The following TEX9 variants were observed in gnomAD, a reference collection of about 807,000 sequenced individuals.
TEX9 encodes testis-expressed protein 9.
TEX9 carries 74 observed loss-of-function variants against 59.6 expected under a neutral mutation model. The observed-to-expected ratio is 1.24, with a 90% CI of 1.03 to 1.51. The LOEUF (loss-of-function observed/expected upper bound fraction) is 1.51. TEX9 is among the 40% of genes most tolerant of loss of function. The probability of loss-of-function intolerance (pLI) is 0.00; values close to 1 mark genes in which losing one functional copy is unlikely to be tolerated. For missense variants in TEX9, 522 were observed against 447.8 expected, an observed-to-expected ratio of 1.17 and a Z score of -1.49; for synonymous variants, 186 against 152.2, an observed-to-expected ratio of 1.22 and a Z score of -1.64.
At chr15:56,365,712 C>G in intron 2 of TEX9, 42 bp downstream of exon 2, 2 of 1,611,896 alleles carry the variant, frequency 1.2e-6, no homozygotes, top group Middle Eastern at 1.7e-4. Flanking sequence ...TTTCTTTCAT[C>G]TGAATGAGGC....
intron 1 of TEX9, among the ~76,000 whole-genome samples, chr15:56,245,017 T>C (rs2043814136): frequency 6.6e-6 from 1 of 152,138 alleles, no homozygotes; most frequent in South Asian, 2.1e-4. Flanking sequence ...CCGTGGGTGT[T>C]ATGAGCCCTT....
At chr15:56,443,738 CTG>C (rs1264214855) in intron 12 of TEX9, 1 of 1,613,208 alleles carries the variant, frequency 6.2e-7, no homozygotes, top group East Asian at 2.2e-5. Context: ...TATGATTTTT[CTG>C]TTTTCTTCTT....
intron 2 of TEX9, 22 bp from the exon 3 acceptor site, chr15:56,373,419 C>T: frequency 6.3e-7 from 1 of 1,584,736 alleles, no homozygotes; most frequent in South Asian, 1.2e-5. Flanking sequence ...TTCAGTATAT[C>T]CCAATTATTT....
At chr15:56,434,188 C>T (rs756166625) in intron 12 of TEX9, 18 of 1,613,742 alleles carry the variant, frequency 1.1e-5, no homozygotes, top group Non-Finnish European at 1.4e-5. Context: ...TTTTCCACAG[C>T]CCTCCTGTGT....
intron 9 of TEX9, chr15:56,397,229 G>A (rs1288562267): frequency 6.4e-6 from 1 of 155,706 alleles, no homozygotes; most frequent in African/African-American, 2.4e-5. Flanking sequence ...TTAGCAAAGA[G>A]ACTGGTGGCA....
At chr15:56,245,601 A>C (rs188836170) in intron 1 of TEX9, among the ~76,000 whole-genome samples, 2 of 152,362 alleles carry the variant, frequency 1.3e-5, no homozygotes, top group Admixed American at 6.5e-5. Flanking sequence ...AAGGATAAAA[A>C]TAGCTAATGT....
At chr15:56,290,082 G>A (rs891250123) in intron 1 of TEX9, among the ~76,000 whole-genome samples, 21 of 152,208 alleles carry the variant, frequency 1.4e-4, no homozygotes, top group Non-Finnish European at 2.5e-4. Context: ...TACAGCCATA[G>A]TGCCTGGGTC....
chr15:56,426,801 C>T (rs1221296799), intron 10 of TEX9, among the ~76,000 whole-genome samples: 1 of 151,132 alleles, frequency 6.6e-6, no homozygotes, highest in Non-Finnish European at 1.5e-5. Flanking sequence ...TCTTCCTAAA[C>T]GTAATGATTT....
At chr15:56,429,294 G>A in intron 12 of TEX9, 3 of 727,158 alleles carry the variant, frequency 4.1e-6, no homozygotes, top group South Asian at 1.8e-5. Flanking sequence ...TATCTCCAAG[G>A]TAATGAAATC....
intron 1 of TEX9, among the ~76,000 whole-genome samples, chr15:56,246,879 A>G (rs938850890): frequency 1.3e-5 from 2 of 152,114 alleles, no homozygotes; most frequent in Admixed American, 6.6e-5. Flanking sequence ...CTCTATAAAA[A>G]TGAAAATAAT....
At chr15:56,251,464 C>A (rs1396784849) in intron 1 of TEX9, among the ~76,000 whole-genome samples, 2 of 152,084 alleles carry the variant, frequency 1.3e-5, no homozygotes, top group African/African-American at 4.8e-5. Flanking sequence ...TATGAGCTGA[C>A]TCAATAAAAC....
At chr15:56,420,571 G>T (rs528091954) in intron 10 of TEX9, among the ~76,000 whole-genome samples, 1 of 151,962 alleles carries the variant, frequency 6.6e-6, no homozygotes, top group East Asian at 1.9e-4. Context: ...CTCCTAAAGT[G>T]CTGGGATTAA....
the TEX9 span, among the ~76,000 whole-genome samples, chr15:56,451,315 G>A: frequency 1.3e-5 from 2 of 152,206 alleles, no homozygotes; most frequent in Non-Finnish European, 2.9e-5. Flanking sequence ...GGGAACAAGG[G>A]CTACCTGCCT....
intron 10 of TEX9, among the ~76,000 whole-genome samples, chr15:56,413,494 A>C (rs2049511380): frequency 1.3e-5 from 2 of 151,274 alleles, no homozygotes; most frequent in East Asian, 3.9e-4. Context: ...CAACCTATCC[A>C]TGAACTCTTT....
chr15:56,454,793 A>G, the TEX9 span, among the ~76,000 whole-genome samples: 12 of 152,042 alleles, frequency 7.9e-5, 1 homozygote, highest in Non-Finnish European at 4.4e-5. Context: ...TTAAATTCTC[A>G]TCTGTATTTT....
chr15:56,419,532 T>C (rs1347331927), intron 10 of TEX9, among the ~76,000 whole-genome samples: 1 of 151,872 alleles, frequency 6.6e-6, no homozygotes, highest in African/African-American at 2.4e-5. Flanking sequence ...TATATTTTTC[T>C]TTTTTTAGTC....
intron 9 of TEX9, chr15:56,398,317 T>C (rs1380204313): frequency 7.3e-6 from 1 of 137,886 alleles, no homozygotes. Flanking sequence ...AAATATGTTA[T>C]TAAAATTAAT....
At chr15:56,367,279 C>T (rs1232624406) in intron 2 of TEX9, among the ~76,000 whole-genome samples, 1 of 152,192 alleles carries the variant, frequency 6.6e-6, no homozygotes, top group Non-Finnish European at 1.5e-5. Context: ...CCCTACACTA[C>T]CTGAATCTTC....
At chr15:56,289,807 T>G (rs1252934655) in intron 1 of TEX9, among the ~76,000 whole-genome samples, 1 of 152,114 alleles carries the variant, frequency 6.6e-6, no homozygotes, top group Non-Finnish European at 1.5e-5. Context: ...GGTAATGGCA[T>G]TGGTGCCCAG....
Sources: gnomAD v4.1 joint callset for allele counts (sites outside exome capture counted in the v4.1 genomes callset) on GRCh38, gnomAD v4.1.1 for gene constraint, MANE v1.5 for transcripts, NCBI Gene and HGNC (gene_info 2026-07-23, HGNC 2026-07-21) for gene names.